Variants in TRHDE observed in about 807,000 individuals in gnomAD.
The protein encoded by TRHDE is thyrotropin releasing hormone degrading enzyme, also known as thyrotropin-releasing hormone-degrading ectoenzyme.
A neutral mutation model predicts 125.7 loss-of-function variants in TRHDE; 72 were observed. The ratio of observed to expected loss-of-function variants is 0.57; its 90% confidence interval spans 0.47 to 0.70. TRHDE has a LOEUF of 0.70. Among genes scored for constraint, TRHDE ranks in the 30% least tolerant of loss-of-function variants. TRHDE has a pLI of 0.00. For synonymous variants in TRHDE, 509 were observed against 509.1 expected, an observed-to-expected ratio of 1.00 and a Z score of 0.00; for missense variants, 1,110 against 1,327.1, an observed-to-expected ratio of 0.84 and a Z score of 2.54.
At chr12:72,223,707 A>G (rs1878045220) in intron 2 of TRHDE, among the ~76,000 whole-genome samples, 1 of 152,138 alleles carries the variant, frequency 6.6e-6, no homozygotes, top group Non-Finnish European at 1.5e-5. Flanking sequence ...AATTTTCTCC[A>G]ATAATTGACT....
At chr12:72,364,277 GCTGTT>G (rs1295184920) in intron 2 of TRHDE, among the ~76,000 whole-genome samples, 1 of 151,986 alleles carries the variant, frequency 6.6e-6, no homozygotes, top group Non-Finnish European at 1.5e-5. Context: ...TGGACAAGTG[GCTGTT>G]CCTGGAATTC....
rs1033297887 is a variant in TRHDE at position 72,661,108 on chromosome 12, T to C, written c.3067-1944T>C. On this transcript the variant is annotated intron_variant, in intron 18 of 18. Transcript: ENST00000261180. ...CTCTCTGAGCCCACAAGGGGAGTATTTACTGCACTTAAATCATGATTTAAG... is the reference window on the plus strand; with the variant it reads ...CTCTCTGAGCCCACAAGGGGAGTATCTACTGCACTTAAATCATGATTTAAG... 3.3e-5 allele frequency among the ~76,000 whole-genome samples: 5 copies of C among 152,268 alleles called. No homozygotes were observed. In the South Asian group the frequency reaches 1.0e-3, roughly 32 times the overall value.
chr12:72,521,786 G>T (rs1211004343), intron 6 of TRHDE, among the ~76,000 whole-genome samples: 2 of 152,126 alleles, frequency 1.3e-5, no homozygotes, highest in Non-Finnish European at 2.9e-5. Flanking sequence ...CTGGAAGGGG[G>T]TCTGTCACAG....
chr12:72,192,737 A>T (rs1266435774), intron 2 of TRHDE, among the ~76,000 whole-genome samples: 2 of 152,084 alleles, frequency 1.3e-5, no homozygotes, highest in African/African-American at 4.8e-5. Flanking sequence ...AGTTGCTGTT[A>T]CGTTAAAAGG....
At chr12:72,605,658 C>T (rs1872408015) in intron 12 of TRHDE, among the ~76,000 whole-genome samples, 1 of 152,070 alleles carries the variant, frequency 6.6e-6, no homozygotes, top group Non-Finnish European at 1.5e-5. Context: ...GCATAATATT[C>T]TGAGAGGCAG....
chr12:72,231,169 A>T (rs1380141520), intron 2 of TRHDE, among the ~76,000 whole-genome samples: 1 of 152,164 alleles, frequency 6.6e-6, no homozygotes, highest in Non-Finnish European at 1.5e-5. Flanking sequence ...TTTATGTTAC[A>T]ACCAAGGACA....
At chr12:72,470,694 T>A (rs1422455805) in intron 4 of TRHDE, among the ~76,000 whole-genome samples, 1 of 152,032 alleles carries the variant, frequency 6.6e-6, no homozygotes, top group East Asian at 1.9e-4. Flanking sequence ...ACAGTGTGAT[T>A]TCAATAAATT....
chr12:72,430,370 C>T lies in TRHDE; in HGVS notation c.1316-39388C>T, dbSNP rs141744490. On this transcript the variant is annotated intron_variant, in intron 3 of 18. Coordinates refer to ENST00000261180, the MANE Select transcript of TRHDE (RefSeq NM_013381.3). The stretch of plus-strand genomic sequence containing the variant: ...ACATGTATACATATATACATATATA[C>T]GTATATATACATGTATATATATACA... Among the ~76,000 whole-genome samples the T allele has an allele frequency of 3.6e-3, 487 of 137,102 alleles. 1 individual carries two copies. Among genetic ancestry groups the T allele is most frequent in the Middle Eastern group, 0.012 (3 of 254 alleles). The allele number at this position is 137,102 out of a possible 152,430, so 89.9% of individuals were successfully genotyped here.
intron 15 of TRHDE, among the ~76,000 whole-genome samples, chr12:72,648,265 A>T (rs1361702594): frequency 6.6e-6 from 1 of 152,168 alleles, no homozygotes; most frequent in Non-Finnish European, 1.5e-5. Context: ...AATTAAGGCC[A>T]TATATGAAAA....
rs530045022 is a variant in TRHDE at position 72,554,311 on chromosome 12, G to A, written c.1789-7854G>A. 1.9e-3 allele frequency among the ~76,000 whole-genome samples: 293 copies of A among 151,856 alleles called. 1 individual carries two copies. The highest frequency in any genetic ancestry group is 3.7e-3 in the Admixed American group (56 of 15,244). On this transcript the variant is annotated intron_variant, in intron 7 of 18. Coordinates refer to ENST00000261180, the MANE Select transcript of TRHDE (RefSeq NM_013381.3). Reference sequence around the variant, plus strand: ...TATGTGGCTGGTATTTTTCTAAGTCGTTTATTTGTTTTATATCATTTTCTC... The same window carrying A: ...TATGTGGCTGGTATTTTTCTAAGTCATTTATTTGTTTTATATCATTTTCTC...
intron 2 of TRHDE, among the ~76,000 whole-genome samples, chr12:72,373,724 C>T (rs11179177): frequency 2.0e-5 from 3 of 152,146 alleles, no homozygotes; most frequent in Non-Finnish European, 4.4e-5. Context: ...ATGGGGCTAT[C>T]TAGGGGAAAA....
At chr12:72,519,953 GGGGGTCA>G (rs1399176949) in intron 6 of TRHDE, among the ~76,000 whole-genome samples, 6 of 152,156 alleles carry the variant, frequency 3.9e-5, no homozygotes, top group Non-Finnish European at 7.3e-5. Context: ...GAGGCTGTTT[GGGGGTCA>G]GGGGTCAGGG....
intron 6 of TRHDE, among the ~76,000 whole-genome samples, chr12:72,516,395 T>C (rs1178195489): frequency 6.6e-6 from 1 of 152,214 alleles, no homozygotes; most frequent in Non-Finnish European, 1.5e-5. Flanking sequence ...TATTTTATTC[T>C]CTTTGAAGCA....
At chr12:72,160,493 C>T (rs1876612012) in intron 2 of TRHDE, among the ~76,000 whole-genome samples, 1 of 152,046 alleles carries the variant, frequency 6.6e-6, no homozygotes, top group Admixed American at 6.5e-5. Flanking sequence ...TCAACACTAG[C>T]CTGCCAAACA....
intron 2 of TRHDE, among the ~76,000 whole-genome samples, chr12:72,123,216 A>G (rs1410359465): frequency 6.6e-6 from 1 of 152,158 alleles, no homozygotes; most frequent in Non-Finnish European, 1.5e-5. Context: ...AAGCCACTGT[A>G]GTTTCTTGCA....
Position 72,272,715 on chromosome 12 carries a change from G to A in TRHDE, c.72G>A (p.Lys24=). 7.1e-7 allele frequency: 1 copy of A among 1,417,408 alleles called. No individual in the cohort carries two copies. Among genetic ancestry groups the A allele is most frequent in the Non-Finnish European group, 9.3e-7 (1 of 1,080,532 alleles). The allele number at this position is 1,417,408 out of a possible 1,614,324, so 87.8% of individuals were successfully genotyped here. Residue 24 remains lysine, a synonymous_variant, in exon 1 of 19, where the codon AAG becomes AAA. Transcript: ENST00000261180. The surrounding 1 kb of genome is among the most constrained non-coding windows in gnomAD (Gnocchi z 6.7). ...AGAAGAAGAAAAAGAAGAGGAAGAAGAAGAAGGAGGAGGAGGAGGAGGAGG... is the reference window on the plus strand; with the variant it reads ...AGAAGAAGAAAAAGAAGAGGAAGAAAAAGAAGGAGGAGGAGGAGGAGGAGG... The part of the protein sequence containing the change: ...KKKKKKKKRK[K]KKEEEEEEEG...
At chr12:72,472,721 CA>C (rs1308400719) in intron 4 of TRHDE, among the ~76,000 whole-genome samples, 1 of 152,212 alleles carries the variant, frequency 6.6e-6, no homozygotes, top group Non-Finnish European at 1.5e-5. Flanking sequence ...TGTAGGGTCA[CA>C]AGAAACAAGC....
At chr12:72,319,936 A>G (rs1242388821) in intron 2 of TRHDE, among the ~76,000 whole-genome samples, 3 of 152,140 alleles carry the variant, frequency 2.0e-5, no homozygotes, top group Non-Finnish European at 4.4e-5. Context: ...AGCTCAGAGT[A>G]AAATATATGG....
At chr12:72,435,863 A>T (rs1306179568) in intron 3 of TRHDE, among the ~76,000 whole-genome samples, 1 of 152,066 alleles carries the variant, frequency 6.6e-6, no homozygotes, top group African/African-American at 2.4e-5. Flanking sequence ...GGACATAATT[A>T]TGCTATTACA....
Sources: allele counts gnomAD v4.1 joint callset (sites outside exome capture counted in the v4.1 genomes callset), GRCh38; gene constraint gnomAD v4.1.1; non-coding constraint Gnocchi (gnomAD v3.1); transcripts MANE v1.5; gene names NCBI Gene and HGNC (gene_info 2026-07-23, HGNC 2026-07-21).